CLSTN2: variants seen among roughly 807,000 people sequenced by gnomAD.
CLSTN2 encodes the protein calsyntenin 2.
A neutral mutation model predicts 101.2 loss-of-function variants in CLSTN2; 48 were observed. The ratio of observed to expected loss-of-function variants is 0.47; its 90% confidence interval spans 0.38 to 0.60. CLSTN2 has a LOEUF of 0.60. Ranked by LOEUF, CLSTN2 falls within the 20% of genes least tolerant of loss-of-function variation. The pLI is 0.00. For synonymous variants in CLSTN2, 481 were observed against 463.6 expected (o/e 1.04, Z -0.48); for missense variants, 1,160 against 1,238.2 (o/e 0.94, Z 0.95).
intron 2 of CLSTN2, among the ~76,000 whole-genome samples, chr3:140,289,507 T>C (rs2086929560): frequency 6.6e-6 from 1 of 152,152 alleles, no homozygotes; most frequent in Non-Finnish European, 1.5e-5. Context: ...AACAGCACCA[T>C]AGCCTAATTC....
intron 2 of CLSTN2, among the ~76,000 whole-genome samples, chr3:140,309,692 C>A (rs1014222901): frequency 6.6e-6 from 1 of 152,084 alleles, no homozygotes; most frequent in Non-Finnish European, 1.5e-5. Flanking sequence ...CAGACAGCCA[C>A]AAGAGTCACC....
chr3:140,023,468 GAC>G (rs1473234357), intron 1 of CLSTN2, among the ~76,000 whole-genome samples: 2 of 152,198 alleles, frequency 1.3e-5, no homozygotes, highest in African/African-American at 2.4e-5. Context: ...AGGACTGACA[GAC>G]ACACACATTG....
intron 2 of CLSTN2, among the ~76,000 whole-genome samples, chr3:140,308,870 G>A (rs527659434): frequency 6.6e-6 from 1 of 152,286 alleles, no homozygotes; most frequent in Non-Finnish European, 1.5e-5. Flanking sequence ...CCTAAGCGCA[G>A]CTCTAATGGA....
chr3:140,157,992 G>A (rs2009983272), intron 1 of CLSTN2, among the ~76,000 whole-genome samples: 1 of 152,100 alleles, frequency 6.6e-6, no homozygotes, highest in Non-Finnish European at 1.5e-5. Context: ...TTAGCCAAAA[G>A]GCCGAGAAGC....
chr3:140,366,729 G>A (rs1264226995), intron 2 of CLSTN2, among the ~76,000 whole-genome samples: 4 of 152,272 alleles, frequency 2.6e-5, no homozygotes, highest in Non-Finnish European at 4.4e-5. Context: ...GATTGTTTAT[G>A]TCTCTCTCAA....
intron 4 of CLSTN2, among the ~76,000 whole-genome samples, chr3:140,418,531 T>C (rs59496482): frequency 0.099 from 14,315 of 144,208 alleles, 2,579 homozygotes; most frequent in African/African-American, 0.36. Context: ...TTTTTTTTTT[T>C]TTCTGAGACG....
chr3:140,172,196 T>C (rs971044129), intron 1 of CLSTN2, among the ~76,000 whole-genome samples: 1 of 146,514 alleles, frequency 6.8e-6, no homozygotes, highest in African/African-American at 2.5e-5. Context: ...ATGTACCTAC[T>C]CTATATCCAG....
chr3:139,940,916 G>C (rs1432120076), intron 1 of CLSTN2, among the ~76,000 whole-genome samples: 1 of 152,102 alleles, frequency 6.6e-6, no homozygotes, highest in Non-Finnish European at 1.5e-5. Context: ...GGAGGTTCTG[G>C]TCTCTGGAGG....
At chr3:139,999,993 G>A (rs1337636011) in intron 1 of CLSTN2, among the ~76,000 whole-genome samples, 1 of 149,464 alleles carries the variant, frequency 6.7e-6, no homozygotes, top group African/African-American at 2.5e-5. Flanking sequence ...ACAGTTTTAA[G>A]TTAAAGATCC....
intron 1 of CLSTN2, among the ~76,000 whole-genome samples, chr3:139,979,497 G>A (rs927618014): frequency 6.6e-6 from 1 of 152,082 alleles, no homozygotes; most frequent in Non-Finnish European, 1.5e-5. Context: ...ACATCCCTGC[G>A]AGATTGCTCG....
intron 1 of CLSTN2, among the ~76,000 whole-genome samples, chr3:140,142,989 G>C (rs1472666836): frequency 6.6e-6 from 1 of 152,078 alleles, no homozygotes; most frequent in Non-Finnish European, 1.5e-5. Flanking sequence ...CTAACATTAT[G>C]TCCACTGAGT....
intron 2 of CLSTN2, among the ~76,000 whole-genome samples, chr3:140,236,350 G>A (rs1201492636): frequency 1.3e-5 from 2 of 152,150 alleles, no homozygotes; most frequent in African/African-American, 2.4e-5. Context: ...GAAAGTCTGA[G>A]AAGTCTGCTA....
chr3:140,151,455 G>A (rs1030336567), intron 1 of CLSTN2, among the ~76,000 whole-genome samples: 4 of 152,026 alleles, frequency 2.6e-5, no homozygotes, highest in African/African-American at 9.7e-5. Context: ...CAGACAAGCA[G>A]AGATTGCAAA....
At chr3:139,941,904 G>A (rs542570893) in intron 1 of CLSTN2, among the ~76,000 whole-genome samples, 18 of 152,276 alleles carry the variant, frequency 1.2e-4, no homozygotes, top group African/African-American at 2.9e-4. Flanking sequence ...TTTGATCCTC[G>A]TACCAACCCT....
At chr3:140,490,634 G>C (rs1048929456) in intron 8 of CLSTN2, among the ~76,000 whole-genome samples, 2 of 151,198 alleles carry the variant, frequency 1.3e-5, no homozygotes, top group Non-Finnish European at 2.9e-5. Context: ...CATCCACTGG[G>C]ACTATGTTCT....
At chr3:140,150,168 A>G (rs1247956024) in intron 1 of CLSTN2, among the ~76,000 whole-genome samples, 1 of 152,236 alleles carries the variant, frequency 6.6e-6, no homozygotes, top group East Asian at 1.9e-4. Context: ...AAGTAAGCAT[A>G]GGCACTTGTG....
intron 2 of CLSTN2, among the ~76,000 whole-genome samples, chr3:140,337,996 A>G (rs1279830551): frequency 6.6e-6 from 1 of 152,072 alleles, no homozygotes; most frequent in Non-Finnish European, 1.5e-5. Flanking sequence ...AGCTGGGGGG[A>G]AACAAAGGCA....
intron 2 of CLSTN2, among the ~76,000 whole-genome samples, chr3:140,266,162 C>T (rs567546394): frequency 6.6e-6 from 1 of 152,232 alleles, no homozygotes; most frequent in Admixed American, 6.5e-5. Flanking sequence ...TATTGGCACA[C>T]CCCCCATTAT....
At chr3:140,411,699 C>A (rs918652705) in intron 4 of CLSTN2, among the ~76,000 whole-genome samples, 1 of 152,314 alleles carries the variant, frequency 6.6e-6, no homozygotes, top group East Asian at 1.9e-4. Flanking sequence ...CTCTACCAAG[C>A]TAGCTGGTAT....
Sources: allele counts gnomAD v4.1 joint callset (sites outside exome capture counted in the v4.1 genomes callset), GRCh38; gene constraint gnomAD v4.1.1; transcripts MANE v1.5; gene names NCBI Gene and HGNC (gene_info 2026-07-23, HGNC 2026-07-21).